The following XPR1 variants were observed in gnomAD, a reference collection of about 807,000 sequenced individuals.
XPR1 encodes the protein solute carrier family 53 member 1.
In XPR1, 28 loss-of-function variants were observed where a neutral mutation model predicts 87.5. The ratio of observed to expected loss-of-function variants is 0.32; its 90% CI spans 0.24 to 0.44. The LOEUF is 0.44. Among genes scored for constraint, XPR1 ranks in the 20% least tolerant of loss-of-function variants. XPR1 has a pLI of 1.00. For synonymous variants in XPR1, 300 were observed against 306.1 expected (o/e 0.98, Z 0.21); for missense variants, 559 against 862.3 (o/e 0.65, Z 4.41).
At chr1:180,803,286 TC>T in intron 3 of XPR1, 101 bp from the exon 4 acceptor site, 2 of 1,104,214 alleles carry the variant, frequency 1.8e-6, no homozygotes, top group Non-Finnish European at 2.5e-6. Context: ...ACGGTTTTCT[TC>T]TAGAAATTCT....
chr1:180,659,453 C>CCTCCCTT (rs1655686419), intron 1 of XPR1, among the ~76,000 whole-genome samples: 3 of 112,094 alleles, frequency 2.7e-5, no homozygotes, highest in African/African-American at 8.5e-5. Context: ...CCTCCTTCTT[C>CCTCCCTT]CCTCCCTTCC....
intron 7 of XPR1, among the ~76,000 whole-genome samples, chr1:180,812,449 AT>A (rs1380016781): frequency 6.6e-6 from 1 of 152,114 alleles, no homozygotes; most frequent in East Asian, 1.9e-4. Context: ...AGATACCTTG[AT>A]TTTTACCCCC....
chr1:180,739,787 C>A (rs1422442168), intron 2 of XPR1, among the ~76,000 whole-genome samples: 1 of 152,082 alleles, frequency 6.6e-6, no homozygotes, highest in Non-Finnish European at 1.5e-5. Flanking sequence ...GTTTCCCAGG[C>A]TGGAGTTCAG....
intron 2 of XPR1, among the ~76,000 whole-genome samples, chr1:180,740,461 T>G (rs1344369371): frequency 6.6e-6 from 1 of 152,178 alleles, no homozygotes; most frequent in Non-Finnish European, 1.5e-5. Flanking sequence ...TAGATTACAT[T>G]TTTTGATTTT....
intron 2 of XPR1, among the ~76,000 whole-genome samples, chr1:180,690,325 A>T (rs1656935603): frequency 6.6e-6 from 1 of 152,178 alleles, no homozygotes; most frequent in Non-Finnish European, 1.5e-5. Flanking sequence ...TTTACTGAAC[A>T]TGAAATTTGA....
At chr1:180,655,943 A>G (rs1394313999) in intron 1 of XPR1, among the ~76,000 whole-genome samples, 1 of 151,988 alleles carries the variant, frequency 6.6e-6, no homozygotes. Flanking sequence ...TCAAACAGCT[A>G]TTCTCTCTCT....
intron 3 of XPR1, among the ~76,000 whole-genome samples, chr1:180,794,698 A>G (rs1445395755): frequency 6.6e-6 from 1 of 152,068 alleles, no homozygotes; most frequent in Non-Finnish European, 1.5e-5. Context: ...CTCTTAAGGG[A>G]GGTTGTTTGG....
intron 12 of XPR1, among the ~76,000 whole-genome samples, chr1:180,872,823 G>A (rs541807015): frequency 1.2e-3 from 181 of 151,916 alleles, no homozygotes; most frequent in African/African-American, 4.1e-3. Flanking sequence ...GTTCCTATTC[G>A]GCCATCTTGG....
chr1:180,769,440 T>C (rs1648420020), intron 2 of XPR1, among the ~76,000 whole-genome samples: 1 of 82,742 alleles, frequency 1.2e-5, no homozygotes, highest in African/African-American at 4.9e-5. Context: ...CTTCCCAGCC[T>C]CTGGTAACCA....
rs182160306 is a variant in XPR1, at chr1:180,788,613, A to G, written c.223+759A>G. Among the ~76,000 whole-genome samples the G allele has an allele frequency of 1.8e-4, 28 of 152,302 alleles. No homozygotes were observed. In the East Asian group the frequency reaches 4.6e-3, roughly 25 times the overall value. On this transcript the variant is annotated intron_variant, in intron 3 of 14. Coordinates refer to ENST00000367590, the MANE Select transcript of XPR1 (RefSeq NM_004736.4). ...AGATATACAGCCTAATAGCTGGAAT[A>G]CCTATCCTATTGAATGTAATGTATC...
chr1:180,868,544 G>A, intron 12 of XPR1, among the ~76,000 whole-genome samples: 1 of 87,584 alleles, frequency 1.1e-5, no homozygotes, highest in Non-Finnish European at 2.3e-5. Context: ...CTTGTAAGTT[G>A]GATTCCTAGG....
At position 180,685,031 on chromosome 1, in the gene XPR1, G is replaced by T. The variant is rs558775771; in HGVS notation, c.121+2620G>T. On this transcript the variant is annotated intron_variant, in intron 2 of 14. Transcript: ENST00000367590. ...GAACTTCCAACACTATGTTGAATAG[G>T]AGCGGTGAGAGAGGGCATCCCTGTC... Among the ~76,000 whole-genome samples the T allele has an allele frequency of 3.6e-3, 542 of 152,010 alleles. 6 individuals carry two copies. Among genetic ancestry groups the T allele is most frequent in the Non-Finnish European group, 5.6e-3 (380 of 67,970 alleles).
At chr1:180,690,154 TAA>T (rs762817354) in intron 2 of XPR1, among the ~76,000 whole-genome samples, 10 of 129,160 alleles carry the variant, frequency 7.7e-5, no homozygotes, top group African/African-American at 5.7e-5. Flanking sequence ...AGACTCTGTC[TAA>T]AAAAAAAAAA....
At chr1:180,651,867 C>A (rs1363569999) in intron 1 of XPR1, among the ~76,000 whole-genome samples, 1 of 152,084 alleles carries the variant, frequency 6.6e-6, no homozygotes, top group African/African-American at 2.4e-5. Flanking sequence ...TAAAATAATT[C>A]AATAAAAATA....
At chr1:180,670,713 A>T (rs1214165359) in intron 1 of XPR1, among the ~76,000 whole-genome samples, 3 of 152,212 alleles carry the variant, frequency 2.0e-5, no homozygotes, top group Non-Finnish European at 4.4e-5. Context: ...TTATTTCTTT[A>T]TACAGCTTTG....
At position 180,656,445 on chromosome 1, in the gene XPR1, A is replaced by ATT. The variant is rs1375762753; in HGVS notation, c.69+24176_69+24177insTT. Among the ~76,000 whole-genome samples, 38 of 19,322 alleles carry ATT rather than the reference A, an allele frequency of 2.0e-3. 1 individual carries two copies. Among genetic ancestry groups the ATT allele is most frequent in the African/African-American group, 6.5e-3 (35 of 5,372 alleles). 12.7% of individuals were successfully genotyped at this position (19,322 alleles called of 152,430 possible). On this transcript the variant is annotated intron_variant, in intron 1 of 14. Coordinates refer to ENST00000367590, the MANE Select transcript of XPR1 (RefSeq NM_004736.4). ...TAAATATTTATATATTTATATATAA[A>ATT]TATTTATATATTTATATATAATATT...
chr1:180,760,967 C>T (rs550093777), intron 2 of XPR1, among the ~76,000 whole-genome samples: 144 of 152,212 alleles, frequency 9.5e-4, no homozygotes, highest in African/African-American at 3.2e-3. Context: ...TGCCGCATAT[C>T]TACAACCATC....
intron 4 of XPR1, among the ~76,000 whole-genome samples, chr1:180,804,304 A>G (rs979521192): frequency 7.2e-5 from 11 of 152,186 alleles, no homozygotes; most frequent in Admixed American, 7.2e-4. Flanking sequence ...CCTCCTAACC[A>G]ATAGCAAAAT....
intron 9 of XPR1, among the ~76,000 whole-genome samples, chr1:180,827,227 T>C (rs1650882798): frequency 6.6e-6 from 1 of 151,186 alleles, no homozygotes. Flanking sequence ...TGGCTTCAAG[T>C]GTTCCTCCCG....
Sources: gnomAD v4.1 joint callset for allele counts (sites outside exome capture counted in the v4.1 genomes callset) on GRCh38, gnomAD v4.1.1 for gene constraint, MANE v1.5 for transcripts, NCBI Gene and HGNC (gene_info 2026-07-23, HGNC 2026-07-21) for gene names.